Variants in TRIM71 observed in about 807,000 individuals in gnomAD.
TRIM71 encodes E3 ubiquitin-protein ligase TRIM71.
Under a neutral mutation model 61.2 loss-of-function variants are expected in TRIM71, and 9 were observed. The ratio of observed to expected loss-of-function variants is 0.15; its 90% CI spans 0.09 to 0.26. The LOEUF (loss-of-function observed/expected upper bound fraction) is 0.26, where lower values mean the gene tolerates loss of function less well. TRIM71 is among the 10% of genes least tolerant of loss of function. The probability of loss-of-function intolerance (pLI) is 1.00; values close to 1 mark genes in which losing one functional copy is unlikely to be tolerated. For synonymous variants in TRIM71, 645 were observed against 553.2 expected (o/e 1.17, Z -2.33); for missense variants, 998 against 1,238.7 (o/e 0.81, Z 2.92).
At chr3:32,843,762 A>G (rs542404372) in intron 1 of TRIM71, among the ~76,000 whole-genome samples, 1 of 152,286 alleles carries the variant, frequency 6.6e-6, no homozygotes, top group South Asian at 2.1e-4. Flanking sequence ...CCCAAGGGCC[A>G]TTAGCTGAGG....
Position 32,886,713 on chromosome 3 carries a change from A to AGATTTTTTT in TRIM71, c.1155+645_1155+646insGATTTTTTT, listed in dbSNP as rs1450245909. 7.2e-5 allele frequency among the ~76,000 whole-genome samples: 11 copies of AGATTTTTTT among 152,182 alleles called. No homozygotes were observed. The East Asian group carries it at 1.7e-3, about 24-fold the overall frequency. Reference sequence around the variant, plus strand: ...TACATTCTCTGAACACACGAAAAAGACTAGAGCTGATTTATAAGGGTATCC... The same window carrying AGATTTTTTT: ...TACATTCTCTGAACACACGAAAAAGAGATTTTTTTCTAGAGCTGATTTATAAGGGTATCC... On this transcript the variant is annotated intron_variant, in intron 3 of 3. Coordinates refer to ENST00000383763, the MANE Select transcript of TRIM71 (RefSeq NM_001039111.3).
In TRIM71 at chr3:32,891,732, G is replaced by A; in HGVS notation, c.2528G>A (p.Arg843His). The A allele has an allele frequency of 1.2e-6, 2 of 1,614,098 alleles. No individual in the cohort carries two copies. Among genetic ancestry groups the A allele is most frequent in the South Asian group, 2.2e-5 (2 of 91,080 alleles). Residue 843 changes from arginine (R) to histidine (H), a missense_variant, in exon 4 of 4, where the codon CGC (arginine) becomes CAC (histidine). Physicochemically the swap from Arg to His is conservative, Grantham distance 29 (BLOSUM62 0). Transcript: ENST00000383763. The surrounding 1 kb of genome is among the most constrained non-coding windows in gnomAD (Gnocchi z 8.2). ...AQGSGFGQMD[R>H]PSGIAITPDG... ...GGCAGCGGCTTTGGGCAGATGGACC[G>A]CCCTTCCGGCATCGCCATCACCCCC...
rs1398576187 is a variant in TRIM71, at chr3:32,891,192, C to T, written c.1988C>T (p.Ala663Val). ...FDRPAGVACDASRRIVVADKD... is the reference protein window; with the variant it reads ...FDRPAGVACDVSRRIVVADKD... Reference sequence around the variant, plus strand: ...CGACCAGCCGGCGTGGCCTGTGACGCCTCACGCAGGATCGTGGTGGCTGAC... The same window carrying T: ...CGACCAGCCGGCGTGGCCTGTGACGTCTCACGCAGGATCGTGGTGGCTGAC... The change falls in exon 4 of 4, where the codon GCC becomes GTC. Residue 663 changes from alanine (A) to valine (V), a missense_variant. Transcript: ENST00000383763. The surrounding 1 kb of genome is among the most constrained non-coding windows in gnomAD (Gnocchi z 8.2). 5.0e-6 allele frequency: 8 copies of T among 1,613,534 alleles called. No homozygotes were observed. The African/African-American group carries it at 6.7e-5, about 13-fold the overall frequency.
At position 32,818,541 on chromosome 3, in the gene TRIM71, A is replaced by C; in HGVS notation, c.461A>C (p.His154Pro). The C allele has an allele frequency of 7.8e-7, 1 of 1,288,832 alleles. No homozygotes were observed. The highest frequency in any genetic ancestry group is 9.8e-7 in the Non-Finnish European group (1 of 1,024,868). 79.8% of individuals were successfully genotyped at this position (1,288,832 alleles called of 1,614,324 possible). ...CACAGCAACCACCGGCACCACGCTC[A>C]CCACGCGCACCCGCGCGCGTCCGCC... Reference protein sequence around the residue: ...GGHSNHRHHAHHAHPRASASA... With the variant: ...GGHSNHRHHAPHAHPRASASA... Residue 154 changes from histidine (H) to proline (P), a missense_variant, in exon 1 of 4, where the codon CAC becomes CCC. Physicochemically the swap from His to Pro is moderately conservative, Grantham distance 77. Coordinates refer to ENST00000383763, the MANE Select transcript of TRIM71 (RefSeq NM_001039111.3).
chr3:32,825,474 C>A (rs1696189977), intron 1 of TRIM71, among the ~76,000 whole-genome samples: 1 of 152,188 alleles, frequency 6.6e-6, no homozygotes, highest in Non-Finnish European at 1.5e-5. Context: ...CAGTTCTCTA[C>A]ACAGGGCAAG....
chr3:32,841,985 G>A (rs1696412330), intron 1 of TRIM71, among the ~76,000 whole-genome samples: 4 of 152,042 alleles, frequency 2.6e-5, no homozygotes, highest in Admixed American at 2.6e-4. Context: ...ATACACCTAG[G>A]AACAACTCCA....
chr3:32,826,595 T>TTTTTTTTTTTG, intron 1 of TRIM71, among the ~76,000 whole-genome samples: 1 of 139,292 alleles, frequency 7.2e-6, no homozygotes, highest in African/African-American at 2.7e-5. Context: ...TTTTTTTTTT[T>TTTTTTTTTTTG]TTTTTTTTTG....
chr3:32,818,363 G>A lies in TRIM71; in HGVS notation c.283G>A (p.Asp95Asn), dbSNP rs776666701. 2.7e-6 allele frequency: 4 copies of A among 1,477,698 alleles called. No homozygotes were observed. The highest frequency in any genetic ancestry group is 2.5e-5 in the South Asian group (2 of 79,408). 91.5% of individuals were successfully genotyped at this position (1,477,698 alleles called of 1,614,324 possible). Residue 95 changes from aspartate (D) to asparagine (N), a missense_variant, in exon 1 of 4, where the codon GAC becomes AAC. Coordinates refer to ENST00000383763, the MANE Select transcript of TRIM71 (RefSeq NM_001039111.3). Reference protein sequence around the residue: ...EPLKLRCPVCDQKVVLAEAAG... With the variant: ...EPLKLRCPVCNQKVVLAEAAG... ...GCTCAAGCTGCGCTGCCCCGTGTGC[G>A]ACCAGAAAGTAGTGCTAGCCGAGGC...
Position 32,828,778 on chromosome 3 carries a change from C to T in TRIM71, c.852+9846C>T, listed in dbSNP as rs573244900. ...CCTCCCAAAGTGCTGGGATTACAGG[C>T]GTGAGCCACCTCATCTGGCCCCAAT... is the stretch of plus-strand genomic sequence containing the variant. On this transcript the variant is annotated intron_variant, in intron 1 of 3. Transcript: ENST00000383763. Among the ~76,000 whole-genome samples the T allele has an allele frequency of 2.4e-3, 359 of 152,208 alleles. 1 individual carries two copies. Among genetic ancestry groups the T allele is most frequent in the African/African-American group, 8.0e-3 (334 of 41,538 alleles).
Position 32,891,917 on chromosome 3 carries a change from C to A in TRIM71, c.*106C>A. ...TTGAATTTCAAAGAAGAAACAGTCT[C>A]AGGGAAATTTCTTTTTTCTTTTTTT... On this transcript the variant is annotated 3_prime_UTR_variant, in exon 4 of 4. Coordinates refer to ENST00000383763, the MANE Select transcript of TRIM71 (RefSeq NM_001039111.3). This position sits in a 1 kb window ranked among gnomAD's most constrained non-coding sequence, Gnocchi z 8.2. The A allele has an allele frequency of 6.9e-7, 1 of 1,452,376 alleles. No homozygotes were observed. Among genetic ancestry groups the A allele is most frequent in the Non-Finnish European group, 9.1e-7 (1 of 1,102,716 alleles). The allele number at this position is 1,452,376 out of a possible 1,614,324, so 90.0% of individuals were successfully genotyped here.
intron 1 of TRIM71, among the ~76,000 whole-genome samples, chr3:32,869,313 C>T (rs1311331336): frequency 6.6e-6 from 1 of 152,206 alleles, no homozygotes; most frequent in African/African-American, 2.4e-5. Context: ...GGATACCAAA[C>T]TAATCTTTAA....
chr3:32,884,050 G>T (rs1575359713), intron 2 of TRIM71, among the ~76,000 whole-genome samples: 1 of 152,320 alleles, frequency 6.6e-6, no homozygotes, highest in East Asian at 1.9e-4. Context: ...GGTCACACAG[G>T]ATCCTCTTAG....
intron 1 of TRIM71, among the ~76,000 whole-genome samples, chr3:32,828,102 C>T (rs970592011): frequency 1.4e-4 from 22 of 151,826 alleles, no homozygotes; most frequent in African/African-American, 5.3e-4. Flanking sequence ...CCATTATTAC[C>T]ATGTATTGGA....
At chr3:32,821,884 CTCT>C (rs1452797829) in intron 1 of TRIM71, among the ~76,000 whole-genome samples, 1 of 152,024 alleles carries the variant, frequency 6.6e-6, no homozygotes, top group Non-Finnish European at 1.5e-5. Context: ...CCGGCGGCTG[CTCT>C]TCTCCCCGCA....
rs931515171 is a variant in TRIM71, at chr3:32,894,387, G to A, written c.*2576G>A. 3.3e-5 allele frequency: 5 copies of A among 152,140 alleles called. No homozygotes were observed. Among genetic ancestry groups the A allele is most frequent in the African/African-American group, 1.2e-4 (5 of 41,418 alleles). 9.4% of individuals were successfully genotyped at this position (152,140 alleles called of 1,614,324 possible). On this transcript the variant is annotated 3_prime_UTR_variant, in exon 4 of 4. Coordinates refer to ENST00000383763, the MANE Select transcript of TRIM71 (RefSeq NM_001039111.3). ...GCTCCTTATTTGACATTTTACTATGGATGTGATCGAAAAGCCAAGATTTTC... is the reference window on the plus strand; with the variant it reads ...GCTCCTTATTTGACATTTTACTATGAATGTGATCGAAAAGCCAAGATTTTC...
At chr3:32,838,623 T>C (rs114101467) in intron 1 of TRIM71, among the ~76,000 whole-genome samples, 2,626 of 151,172 alleles carry the variant, frequency 0.017, 83 homozygotes, top group East Asian at 0.13. Context: ...CCAGAGGCAG[T>C]TGATATAGGG....
intron 1 of TRIM71, among the ~76,000 whole-genome samples, chr3:32,852,713 G>A (rs1696551295): frequency 1.3e-5 from 2 of 149,634 alleles, no homozygotes; most frequent in Non-Finnish European, 3.0e-5. Context: ...GAGGATTACA[G>A]AACTCTAACT....
At chr3:32,875,889 A>G (rs1241299336) in intron 2 of TRIM71, among the ~76,000 whole-genome samples, 2 of 152,202 alleles carry the variant, frequency 1.3e-5, no homozygotes, top group African/African-American at 4.8e-5. Context: ...TCTTAACAGA[A>G]GAGGGAGGAT....
chr3:32,829,669 T>C lies in TRIM71; in HGVS notation c.852+10737T>C, dbSNP rs867376546. On this transcript the variant is annotated intron_variant, in intron 1 of 3. Transcript: ENST00000383763. ...GTGTGTGTTTGTGTGTGCGTGTGTG[T>C]GCATTGGAGGAGGCATCTGAAGAGG... Among the ~76,000 whole-genome samples, 12 of 152,004 alleles carry C rather than the reference T, an allele frequency of 7.9e-5. No homozygotes were observed. The South Asian group carries it at 2.5e-3, about 32-fold the overall frequency.
Sources: allele counts gnomAD v4.1 joint callset (sites outside exome capture counted in the v4.1 genomes callset), GRCh38; gene constraint gnomAD v4.1.1; non-coding constraint Gnocchi (gnomAD v3.1); transcripts MANE v1.5; gene names NCBI Gene and HGNC (gene_info 2026-07-23, HGNC 2026-07-21).